Variants in TMEM165 observed in about 807,000 individuals in gnomAD.
The protein encoded by TMEM165 is putative divalent cation/proton antiporter TMEM165.
A neutral mutation model predicts 30.0 loss-of-function variants in TMEM165; 19 were observed. The ratio of observed to expected loss-of-function variants is 0.63; its 90% CI spans 0.44 to 0.93. The LOEUF (loss-of-function observed/expected upper bound fraction) is 0.93, where lower values mean the gene tolerates loss of function less well. Ranked by LOEUF, TMEM165 falls within the 40% of genes least tolerant of loss-of-function variation. TMEM165 has a pLI of 0.00. For missense variants in TMEM165, 340 were observed against 417.0 expected, an observed-to-expected ratio of 0.82 and a Z score of 1.61; for synonymous variants, 168 against 162.9, an observed-to-expected ratio of 1.03 and a Z score of -0.24.
chr4:55,432,307 C>G (rs1378832432), intron 3 of TMEM165: 1 of 152,020 alleles, frequency 6.6e-6, no homozygotes, highest in Non-Finnish European at 1.5e-5. Context: ...TTCTCACTTG[C>G]ATTTGTTAAA....
In TMEM165 at chr4:55,424,231, C is replaced by T. The variant is rs879535808; in HGVS notation, c.793-307C>T. ...CCTAGCACTTGTCATAGCAGTGCTACGTATTGCCTGTGAAGGAAGTTTAAT... is the reference window on the plus strand; with the variant it reads ...CCTAGCACTTGTCATAGCAGTGCTATGTATTGCCTGTGAAGGAAGTTTAAT... On this transcript the variant is annotated intron_variant, in intron 4 of 5. Transcript: ENST00000381334. 6 of 335,748 alleles carry T rather than the reference C, an allele frequency of 1.8e-5. No individual in the cohort carries two copies. In the East Asian group the frequency reaches 2.7e-4, roughly 15 times the overall value. 20.8% of individuals were successfully genotyped at this position (335,748 alleles called of 1,614,324 possible). A position where few individuals can be genotyped will look rare whatever the true frequency, so the allele number is the denominator to read the frequency against.
rs867347165 is a variant in TMEM165 at position 55,410,540 on chromosome 4, C to T, written c.208-1074C>T. 3.2e-4 allele frequency among the ~76,000 whole-genome samples: 49 copies of T among 152,268 alleles called. No homozygotes were observed. The Middle Eastern group carries it at 0.02, about 63-fold the overall frequency. On this transcript the variant is annotated intron_variant, in intron 1 of 5. Coordinates refer to ENST00000381334, the MANE Select transcript of TMEM165 (RefSeq NM_018475.5). ...TCTCCCGTCTCAGCCTCCCAAGTAA[C>T]TGGGATTATAGGCTTCCGCCACCAT... is the stretch of plus-strand genomic sequence containing the variant.
At chr4:55,444,038 A>AT in intron 3 of TMEM165, 1 of 658,604 alleles carries the variant, frequency 1.5e-6, no homozygotes, top group Non-Finnish European at 2.6e-6. Context: ...TTAGCAATAA[A>AT]TAAGTAGTGA....
intron 3 of TMEM165, chr4:55,442,331 C>G: frequency 1.0e-6 from 1 of 983,072 alleles, no homozygotes; most frequent in Non-Finnish European, 1.6e-6. Flanking sequence ...GTGAGCATCT[C>G]ATTAAAATCA....
intron 2 of TMEM165, among the ~76,000 whole-genome samples, chr4:55,412,392 T>TAAAAAA (rs1162424825): frequency 1.5e-4 from 1 of 6,616 alleles, no homozygotes; most frequent in Non-Finnish European, 4.8e-4. Flanking sequence ...AGACTCCATC[T>TAAAAAA]CAAAAAAAAA....
Position 55,396,153 on chromosome 4 carries a change from C to T in TMEM165, c.-37C>T. The T allele has an allele frequency of 1.5e-6, 2 of 1,334,286 alleles. No homozygotes were observed. Among genetic ancestry groups the T allele is most frequent in the Non-Finnish European group, 1.9e-6 (2 of 1,055,020 alleles). 82.7% of individuals were successfully genotyped at this position (1,334,286 alleles called of 1,614,324 possible). A position where few individuals can be genotyped will look rare whatever the true frequency, so the allele number is the denominator to read the frequency against. ...AGGCTTCCCGTCGCCGGCACTTCCT[C>T]TTGCGGCGCCCGTGCGCGGCCGGCC... On this transcript the variant is annotated 5_prime_UTR_variant, in exon 1 of 6. Coordinates refer to ENST00000381334, the MANE Select transcript of TMEM165 (RefSeq NM_018475.5).
downstream of TMEM165, chr4:55,430,213 G>A (rs1203368354): frequency 1.6e-4 from 23 of 141,910 alleles, no homozygotes; most frequent in Admixed American, 1.6e-3. Flanking sequence ...CTCAGTGTTT[G>A]CTGGTGGTGG....
At chr4:55,448,452 T>G (rs1403709264) in intron 3 of TMEM165, among the ~76,000 whole-genome samples, 1 of 152,184 alleles carries the variant, frequency 6.6e-6, no homozygotes, top group Non-Finnish European at 1.5e-5. Flanking sequence ...TGAAAGATAT[T>G]TAGTATTCCT....
intron 3 of TMEM165, chr4:55,443,929 T>G (rs1416252642): frequency 6.3e-7 from 1 of 1,584,698 alleles, no homozygotes; most frequent in Non-Finnish European, 8.6e-7. Context: ...AAAATGAGCT[T>G]TGTAGATTGA....
At chr4:55,415,745 A>G (rs2109549294) in intron 2 of TMEM165, 1 of 152,336 alleles carries the variant, frequency 6.6e-6, no homozygotes, top group South Asian at 2.1e-4. Flanking sequence ...CAGTTTTGTA[A>G]TGTAGGGAAT....
chr4:55,398,063 T>A (rs1279300764), intron 1 of TMEM165, among the ~76,000 whole-genome samples: 2 of 152,256 alleles, frequency 1.3e-5, no homozygotes, highest in Admixed American at 1.3e-4. Context: ...TCGTTACATG[T>A]TACTTTCTTA....
intron 2 of TMEM165, among the ~76,000 whole-genome samples, chr4:55,413,274 A>G (rs952574906): frequency 1.3e-5 from 2 of 151,832 alleles, no homozygotes; most frequent in African/African-American, 2.4e-5. Flanking sequence ...GTGCCTGCCC[A>G]TCCTTTTACC....
At chr4:55,411,578 AATG>A (rs1435561074) in intron 1 of TMEM165, 33 bp from the exon 2 acceptor site, 11 of 1,531,024 alleles carry the variant, frequency 7.2e-6, no homozygotes, top group Non-Finnish European at 9.8e-6. Context: ...AATTTTGAAT[AATG>A]ATTTTAAGAA....
Position 55,396,237 on chromosome 4 carries a change from G to T in TMEM165, c.48G>T (p.Leu16=). Residue 16 remains leucine, a synonymous_variant, in exon 1 of 6, where the codon CTG becomes CTT. Transcript: ENST00000381334. ...PGNGRASAPR[L]LLLFLVPLLW... ...ACGGCCGCGCATCGGCGCCCCGGCTGCTTCTGCTCTTTCTGGTTCCGCTGC... is the reference window on the plus strand; with the variant it reads ...ACGGCCGCGCATCGGCGCCCCGGCTTCTTCTGCTCTTTCTGGTTCCGCTGC... 1 of 1,484,692 alleles carries T rather than the reference G, an allele frequency of 6.7e-7. No homozygotes were observed. Among genetic ancestry groups the T allele is most frequent in the Admixed American group, 2.3e-5 (1 of 43,380 alleles). The allele number at this position is 1,484,692 out of a possible 1,614,324, so 92.0% of individuals were successfully genotyped here. A position where few individuals can be genotyped will look rare whatever the true frequency, so the allele number is the denominator to read the frequency against.
chr4:55,401,635 T>G (rs1025021164), intron 1 of TMEM165, among the ~76,000 whole-genome samples: 4 of 150,468 alleles, frequency 2.7e-5, no homozygotes, highest in Non-Finnish European at 5.9e-5. Flanking sequence ...TTTTAAACTT[T>G]TTTCTATTTT....
rs191272519 is a variant in TMEM165 at position 55,402,681 on chromosome 4, C to T, written c.207+6285C>T. Among the ~76,000 whole-genome samples the T allele has an allele frequency of 2.8e-3, 410 of 144,728 alleles. 5 individuals are homozygous for T. The highest frequency in any genetic ancestry group is 5.1e-3 in the Admixed American group (75 of 14,636). 94.9% of individuals were successfully genotyped at this position (144,728 alleles called of 152,430 possible). A position where few individuals can be genotyped will look rare whatever the true frequency, so the allele number is the denominator to read the frequency against. ...CAGGCTGGTCTCAAGCTCCCAACCTCGAGTGATCCACCTACCACGCCTCCC... is the reference window on the plus strand; with the variant it reads ...CAGGCTGGTCTCAAGCTCCCAACCTTGAGTGATCCACCTACCACGCCTCCC... On this transcript the variant is annotated intron_variant, in intron 1 of 5. Coordinates refer to ENST00000381334, the MANE Select transcript of TMEM165 (RefSeq NM_018475.5).
At chr4:55,419,046 A>G (rs541106698) in intron 4 of TMEM165, among the ~76,000 whole-genome samples, 36 of 152,342 alleles carry the variant, frequency 2.4e-4, no homozygotes, top group African/African-American at 7.7e-4. Context: ...TGCTATCTCA[A>G]AAAATTAAAT....
chr4:55,435,759 A>T (rs1352909866), intron 3 of TMEM165, among the ~76,000 whole-genome samples: 4 of 152,204 alleles, frequency 2.6e-5, no homozygotes, highest in Non-Finnish European at 5.9e-5. Context: ...GAAAATGCTT[A>T]TGAGGCCTTC....
rs751749181 is a variant in TMEM165, at chr4:55,425,367, C to G, written c.899-9C>G. 6 of 1,612,172 alleles carry G rather than the reference C, an allele frequency of 3.7e-6. No homozygotes were observed. In the East Asian group the frequency reaches 8.9e-5, roughly 24 times the overall value. On this transcript the variant is annotated splice_polypyrimidine_tract_variant and intron_variant, in intron 5 of 5. Coordinates refer to ENST00000381334, the MANE Select transcript of TMEM165 (RefSeq NM_018475.5). Reference sequence around the variant, plus strand: ...TTACTGTATTTGACTTTTTTTCTCTCTCTTCCAGTGACAATCATAGGAGGC... The same window carrying G: ...TTACTGTATTTGACTTTTTTTCTCTGTCTTCCAGTGACAATCATAGGAGGC...
Sources: gnomAD v4.1 joint callset for allele counts (sites outside exome capture counted in the v4.1 genomes callset) on GRCh38, gnomAD v4.1.1 for gene constraint, MANE v1.5 for transcripts, NCBI Gene and HGNC (gene_info 2026-07-23, HGNC 2026-07-21) for gene names.